ZNF717: variants seen among roughly 807,000 people sequenced by gnomAD.
The protein encoded by ZNF717 is zinc finger protein 717.
Under a neutral mutation model 13.8 loss-of-function variants are expected in ZNF717, and 9 were observed. The observed-to-expected ratio is 0.65, with a 90% confidence interval of 0.39 to 1.14. The LOEUF is 1.14. Ranked by LOEUF, ZNF717 falls within the 50% of genes most tolerant of loss-of-function variation. The pLI is 0.01. For synonymous variants in ZNF717, 327 were observed against 364.1 expected (o/e 0.90, Z 1.16); for missense variants, 1,040 against 1,080.7 (o/e 0.96, Z 0.53).
At position 75,719,107 on chromosome 3, in the gene ZNF717, A is replaced by G. The variant is rs1304910600; in HGVS notation, n.545-2566T>C. On this transcript the variant is annotated intron_variant and non_coding_transcript_variant, in intron 4 of 5. Coordinates refer to the ZNF717 transcript ENST00000491507. ...CCAGGAGTTTGAGACCAACCTGGGA[A>G]ACATGGCAAAACCCTCTGTGTACAA... is the stretch of plus-strand genomic sequence containing the variant. 2.0e-5 allele frequency among the ~76,000 whole-genome samples: 3 copies of G among 152,076 alleles called. No homozygotes were observed. In the East Asian group the frequency reaches 5.8e-4, roughly 30 times the overall value.
intron 4 of ZNF717, among the ~76,000 whole-genome samples, chr3:75,718,869 AT>A (rs1167818248): frequency 1.3e-5 from 2 of 152,176 alleles, no homozygotes; most frequent in Non-Finnish European, 2.9e-5. Flanking sequence ...ATACCTGTCC[AT>A]GGCCCAGGGA....
chr3:75,777,327 CG>C (rs1944402397), intron 2 of ZNF717, among the ~76,000 whole-genome samples: 1 of 145,394 alleles, frequency 6.9e-6, no homozygotes, highest in Non-Finnish European at 1.5e-5. Context: ...ATGGCAGTGA[CG>C]TGCTAAAACC....
chr3:75,743,253 A>G (rs1575793156), intron 2 of ZNF717, among the ~76,000 whole-genome samples: 1 of 152,338 alleles, frequency 6.6e-6, no homozygotes, highest in East Asian at 1.9e-4. Context: ...ATGCTACATA[A>G]ATGGCTGTTA....
chr3:75,704,722 C>G (rs1489439758), downstream of ZNF717, among the ~76,000 whole-genome samples: 1 of 152,310 alleles, frequency 6.6e-6, no homozygotes, highest in Admixed American at 6.5e-5. Context: ...CCTCTCTGCT[C>G]AGCGCCTCAG....
downstream of ZNF717, among the ~76,000 whole-genome samples, chr3:75,726,714 A>G (rs1575725493): frequency 6.6e-6 from 1 of 152,266 alleles, no homozygotes; most frequent in African/African-American, 2.4e-5. Flanking sequence ...CTGATTATGC[A>G]GTGATTCTGC....
At position 75,723,868 on chromosome 3, in the gene ZNF717, T is replaced by C. The variant is rs1047345290; in HGVS notation, n.545-7327A>G. On this transcript the variant is annotated intron_variant and non_coding_transcript_variant, in intron 4 of 5. Transcript: ENST00000491507. Reference sequence around the variant, plus strand: ...GAAGACTCTGCTCCACCACCTTTTGTGGAAGGCAACATCAGTCAAGCTCGC... The same window carrying C: ...GAAGACTCTGCTCCACCACCTTTTGCGGAAGGCAACATCAGTCAAGCTCGC... Among the ~76,000 whole-genome samples, 1,452 of 152,234 alleles carry C rather than the reference T, an allele frequency of 9.5e-3. 21 individuals are homozygous for C. The highest frequency in any genetic ancestry group is 0.034 in the African/African-American group (1,406 of 41,526).
chr3:75,748,681 G>A (rs1941396558), intron 2 of ZNF717, among the ~76,000 whole-genome samples: 1 of 152,134 alleles, frequency 6.6e-6, no homozygotes, highest in African/African-American at 2.4e-5. Flanking sequence ...AGGTATTGAT[G>A]CGACATATCT....
intron 2 of ZNF717, among the ~76,000 whole-genome samples, chr3:75,782,707 T>C (rs1188315787): frequency 1.4e-5 from 2 of 143,010 alleles, no homozygotes; most frequent in Admixed American, 7.0e-5. Context: ...CAACACACTA[T>C]GCTTTAGCAG....
chr3:75,727,390 C>T (rs1360450601), downstream of ZNF717, among the ~76,000 whole-genome samples: 1 of 152,168 alleles, frequency 6.6e-6, no homozygotes, highest in East Asian at 1.9e-4. Context: ...GGGCAGAATA[C>T]AGCCATGTTT....
At position 75,738,201 on chromosome 3, in the gene ZNF717, T is replaced by C; in HGVS notation, c.1422A>G (p.Thr474=). 5.2e-6 allele frequency: 8 copies of C among 1,552,760 alleles called. No individual in the cohort carries two copies. Among genetic ancestry groups the C allele is most frequent in the East Asian group, 2.4e-5 (1 of 41,302 alleles). Residue 474 remains threonine, a synonymous_variant, in exon 5 of 5, where the codon ACA becomes ACG. Transcript: ENST00000652011. Reference sequence around the variant, plus strand: ...CATTGCATTCATAGGGTTTTTCCCCTGTGTGAGTTCTCTGATGTAACCTGA... The same window carrying C: ...CATTGCATTCATAGGGTTTTTCCCCCGTGTGAGTTCTCTGATGTAACCTGA... ...SNLRLHQRTH[T]GEKPYECNEC...
At chr3:75,696,928 A>G (rs1937610345) in intron 6 of ZNF717, among the ~76,000 whole-genome samples, 1 of 152,286 alleles carries the variant, frequency 6.6e-6, no homozygotes, top group African/African-American at 2.4e-5. Flanking sequence ...CAAGGACAAA[A>G]TCCATATAAT....
At chr3:75,745,953 C>T (rs2107289918) in intron 2 of ZNF717, among the ~76,000 whole-genome samples, 1 of 152,042 alleles carries the variant, frequency 6.6e-6, no homozygotes, top group East Asian at 1.9e-4. Flanking sequence ...ATACGTGTGC[C>T]ATGTTGGTGT....
At chr3:75,732,375 A>G (rs2918501), downstream of ZNF717, among the ~76,000 whole-genome samples, 15,815 of 119,262 alleles carry the variant, frequency 0.13, no homozygotes, top group Non-Finnish European at 0.17. Flanking sequence ...AATGAGGCCC[A>G]GTCGTAAGAC....
chr3:75,704,758 C>G (rs1937768121), downstream of ZNF717, among the ~76,000 whole-genome samples: 1 of 152,310 alleles, frequency 6.6e-6, no homozygotes, highest in South Asian at 2.1e-4. Flanking sequence ...GAGGCTGCCC[C>G]AGGAAAGAGG....
chr3:75,704,241 T>A, intron 6 of ZNF717, among the ~76,000 whole-genome samples: 1 of 152,428 alleles, frequency 6.6e-6, no homozygotes, highest in Admixed American at 6.5e-5. Context: ...ATAAACTTGC[T>A]TCTTTCACTG....
rs1938174099 is a variant in ZNF717 at position 75,721,875 on chromosome 3, A to C, written n.545-5334T>G. ...AGGAAAAAAAAATTGACAACTTCCA[A>C]ATCTTTCTCTCTCACCCAACTTTAT... is the stretch of plus-strand genomic sequence containing the variant. On this transcript the variant is annotated intron_variant and non_coding_transcript_variant, in intron 4 of 5. Transcript: ENST00000491507. Among the ~76,000 whole-genome samples, 4 of 152,112 alleles carry C rather than the reference A, an allele frequency of 2.6e-5. No homozygotes were observed. The South Asian group carries it at 8.3e-4, about 32-fold the overall frequency.
In ZNF717 at chr3:75,736,379, G is replaced by A. The variant is rs1282776771; in HGVS notation, c.*499C>T. 1 of 157,106 alleles carries A rather than the reference G, an allele frequency of 6.4e-6. No homozygotes were observed. The highest frequency in any genetic ancestry group is 2.4e-5 in the African/African-American group (1 of 41,488). 9.7% of individuals were successfully genotyped at this position (157,106 alleles called of 1,614,324 possible). ...AAGACAGGCCAAAGCTAAGCTTCTT[G>A]CATCAGCTACTCAAGTTGTGAATGC... On this transcript the variant is annotated 3_prime_UTR_variant, in exon 5 of 5. Coordinates refer to ENST00000652011, the MANE Select transcript of ZNF717 (RefSeq NM_001290208.3).
intron 2 of ZNF717, among the ~76,000 whole-genome samples, chr3:75,745,012 C>G (rs1940986769): frequency 6.6e-6 from 1 of 152,126 alleles, no homozygotes; most frequent in Admixed American, 6.5e-5. Flanking sequence ...AACACGGCTG[C>G]CGGGGTCTGT....
chr3:75,784,503 C>T (rs1233713132), intron 1 of ZNF717, among the ~76,000 whole-genome samples: 10 of 152,078 alleles, frequency 6.6e-5, no homozygotes, highest in Non-Finnish European at 1.5e-5. Flanking sequence ...ATATCTCAAA[C>T]GCTGGAAACA....
Sources: allele counts gnomAD v4.1 joint callset (sites outside exome capture counted in the v4.1 genomes callset), GRCh38; gene constraint gnomAD v4.1.1; transcripts MANE v1.5; gene names NCBI Gene and HGNC (gene_info 2026-07-23, HGNC 2026-07-21).